The following ATXN7L1 variants were observed in gnomAD, a reference collection of about 807,000 sequenced individuals.
The protein encoded by ATXN7L1 is ataxin-7-like protein 1.
A neutral mutation model predicts 70.8 loss-of-function variants in ATXN7L1; 15 were observed. The ratio of observed to expected loss-of-function variants is 0.21; its 90% CI spans 0.14 to 0.33. The LOEUF (loss-of-function observed/expected upper bound fraction) is 0.33. Among genes scored for constraint, ATXN7L1 ranks in the 10% least tolerant of loss-of-function variants. The probability of loss-of-function intolerance (pLI) is 1.00; values close to 1 mark genes in which losing one functional copy is unlikely to be tolerated. For synonymous variants in ATXN7L1, 440 were observed against 445.1 expected, an observed-to-expected ratio of 0.99 and a Z score of 0.14; for missense variants, 975 against 1,097.1, an observed-to-expected ratio of 0.89 and a Z score of 1.57.
chr7:105,751,570 AAGCTGC>A (rs949537795), intron 3 of ATXN7L1, among the ~76,000 whole-genome samples: 2 of 152,148 alleles, frequency 1.3e-5, no homozygotes, highest in African/African-American at 4.8e-5. Context: ...CAGGAAGTCG[AAGCTGC>A]AGTAAGCTGT....
chr7:105,805,776 C>T (rs1807488696), intron 2 of ATXN7L1, among the ~76,000 whole-genome samples: 1 of 152,048 alleles, frequency 6.6e-6, no homozygotes, highest in South Asian at 2.1e-4. Flanking sequence ...ACAGCAAGAG[C>T]AAATGCAGTG....
chr7:105,715,183 A>C (rs540946959), intron 3 of ATXN7L1, among the ~76,000 whole-genome samples: 3 of 152,350 alleles, frequency 2.0e-5, no homozygotes, highest in Non-Finnish European at 2.9e-5. Flanking sequence ...GGTATATCAG[A>C]AAGAGATCAC....
chr7:105,785,854 C>A (rs1804222127), intron 3 of ATXN7L1, among the ~76,000 whole-genome samples: 1 of 152,230 alleles, frequency 6.6e-6, no homozygotes, highest in Non-Finnish European at 1.5e-5. Flanking sequence ...AGAATCTGAC[C>A]TTGTTGGCAT....
At chr7:105,853,625 G>T (rs565641378) in intron 2 of ATXN7L1, among the ~76,000 whole-genome samples, 2 of 151,812 alleles carry the variant, frequency 1.3e-5, no homozygotes, top group East Asian at 3.9e-4. Flanking sequence ...TGAGCTGGGC[G>T]TGGTGGTGGG....
chr7:105,791,768 C>CTTAT (rs1170990796), intron 2 of ATXN7L1, among the ~76,000 whole-genome samples: 1 of 152,146 alleles, frequency 6.6e-6, no homozygotes, highest in Non-Finnish European at 1.5e-5. Flanking sequence ...AGGGCTACAA[C>CTTAT]TTATTTATTT....
At chr7:105,641,489 C>T (rs1219985391) in intron 5 of ATXN7L1, among the ~76,000 whole-genome samples, 1 of 152,130 alleles carries the variant, frequency 6.6e-6, no homozygotes, top group Non-Finnish European at 1.5e-5. Flanking sequence ...ACAAGACAAC[C>T]CACAAAATGC....
chr7:105,707,559 G>A (rs1793341779), intron 3 of ATXN7L1, among the ~76,000 whole-genome samples: 1 of 152,178 alleles, frequency 6.6e-6, no homozygotes, highest in African/African-American at 2.4e-5. Context: ...GAAAGTCATC[G>A]ATTCTGGACA....
At chr7:105,726,371 C>T (rs1003604) in intron 3 of ATXN7L1, among the ~76,000 whole-genome samples, 387 of 152,314 alleles carry the variant, frequency 2.5e-3, no homozygotes, top group Non-Finnish European at 3.7e-3. Context: ...TTTTAGGATG[C>T]TTAATGTATC....
intron 8 of ATXN7L1, among the ~76,000 whole-genome samples, chr7:105,623,489 A>C (rs1346586389): frequency 6.6e-6 from 1 of 152,232 alleles, no homozygotes; most frequent in African/African-American, 2.4e-5. Flanking sequence ...TCATTCAAGG[A>C]AATGGAAAGA....
intron 2 of ATXN7L1, among the ~76,000 whole-genome samples, 185 bp downstream of exon 2, chr7:105,875,627 A>AC (rs3835024): frequency 0.042 from 3,988 of 94,604 alleles, 168 homozygotes; most frequent in African/African-American, 0.072. Context: ...ACCCCCCTTT[A>AC]CCCCCCCCCC....
chr7:105,817,223 T>C (rs1481785281), intron 2 of ATXN7L1, among the ~76,000 whole-genome samples: 2 of 152,186 alleles, frequency 1.3e-5, no homozygotes, highest in Admixed American at 1.3e-4. Flanking sequence ...CTCTACCTAT[T>C]GTTGATACAG....
chr7:105,703,212 G>A (rs1792700258), intron 3 of ATXN7L1, among the ~76,000 whole-genome samples: 1 of 151,992 alleles, frequency 6.6e-6, no homozygotes, highest in South Asian at 2.1e-4. Context: ...GCTGCAGAAG[G>A]GAGAATCGCT....
intron 3 of ATXN7L1, 77 bp downstream of exon 3, chr7:105,788,527 T>A: frequency 5.0e-6 from 6 of 1,194,354 alleles, no homozygotes; most frequent in Non-Finnish European, 7.5e-6. Context: ...CGAGACCCTG[T>A]CGGGGAGCCC....
intron 3 of ATXN7L1, among the ~76,000 whole-genome samples, chr7:105,767,723 C>T (rs1240126329): frequency 6.6e-6 from 1 of 152,188 alleles, no homozygotes; most frequent in Non-Finnish European, 1.5e-5. Flanking sequence ...CAGTGAATAG[C>T]AGAGCTAAGG....
rs768242054 is a variant in ATXN7L1, at chr7:105,605,005, A to G, written c.*2847T>C. On this transcript the variant is annotated 3_prime_UTR_variant, in exon 12 of 12. Coordinates refer to ENST00000419735, the MANE Select transcript of ATXN7L1 (RefSeq NM_020725.2). ...GATCAGCATTATTTACAATTGGTAC[A>G]TTGATACAAAAGAAGGCATACAAGT... 2 of 149,572 alleles carry G rather than the reference A, an allele frequency of 1.3e-5. No individual in the cohort carries two copies. Among genetic ancestry groups the G allele is most frequent in the Non-Finnish European group, 3.0e-5 (2 of 67,644 alleles). The allele number at this position is 149,572 out of a possible 1,614,324, so 9.3% of individuals were successfully genotyped here.
chr7:105,798,522 A>C (rs139190717), intron 2 of ATXN7L1, among the ~76,000 whole-genome samples: 8 of 152,296 alleles, frequency 5.3e-5, no homozygotes, highest in African/African-American at 1.9e-4. Flanking sequence ...GATCTCACTG[A>C]TTGGCTAGAC....
chr7:105,867,373 G>T (rs1394308728), intron 2 of ATXN7L1, among the ~76,000 whole-genome samples: 3 of 152,178 alleles, frequency 2.0e-5, no homozygotes, highest in African/African-American at 7.2e-5. Context: ...TCACCAATGC[G>T]ATGTGGTACT....
intron 9 of ATXN7L1, among the ~76,000 whole-genome samples, chr7:105,616,599 G>GA (rs1421475990): frequency 1.3e-5 from 2 of 152,220 alleles, no homozygotes; most frequent in African/African-American, 4.8e-5. Flanking sequence ...TGCAATGAAT[G>GA]AATGAGTGAA....
At chr7:105,782,597 T>C (rs879590830) in intron 3 of ATXN7L1, among the ~76,000 whole-genome samples, 1 of 152,208 alleles carries the variant, frequency 6.6e-6, no homozygotes, top group Non-Finnish European at 1.5e-5. Flanking sequence ...GCAGAAGGAC[T>C]GTGGCCAGCC....
Sources: gnomAD v4.1 joint callset for allele counts (sites outside exome capture counted in the v4.1 genomes callset) on GRCh38, gnomAD v4.1.1 for gene constraint, MANE v1.5 for transcripts, NCBI Gene and HGNC (gene_info 2026-07-23, HGNC 2026-07-21) for gene names.